The following VEPH1 variants were observed in gnomAD, a reference collection of about 807,000 sequenced individuals.
VEPH1 encodes the protein ventricular zone expressed PH domain containing 1, also known as ventricular zone-expressed PH domain-containing protein homolog 1.
VEPH1 carries 80 observed loss-of-function variants against 85.2 expected under a neutral mutation model. The ratio of observed to expected loss-of-function variants is 0.94; its 90% CI spans 0.78 to 1.13. The LOEUF is 1.13. VEPH1 is among the 50% of genes most tolerant of loss of function. The pLI, the probability that VEPH1 is intolerant of heterozygous loss-of-function variation, is 0.00. For missense variants in VEPH1, 955 were observed against 980.5 expected (o/e 0.97, Z 0.35); for synonymous variants, 297 against 348.0 (o/e 0.85, Z 1.63).
intron 4 of VEPH1, chr3:157,438,031 GCGCGCGCACACA>G: frequency 1.2e-6 from 1 of 820,154 alleles, no homozygotes; most frequent in East Asian, 3.2e-5. Context: ...GCGCGCGCGC[GCGCGCGCACACA>G]CACACACACA....
At chr3:157,379,116 T>C (rs972395178) in intron 7 of VEPH1, among the ~76,000 whole-genome samples, 11 of 152,244 alleles carry the variant, frequency 7.2e-5, no homozygotes, top group African/African-American at 2.7e-4. Flanking sequence ...GATCATTCTC[T>C]GGATTAAAAT....
At chr3:157,378,843 T>G (rs1479009494) in intron 7 of VEPH1, among the ~76,000 whole-genome samples, 1 of 152,146 alleles carries the variant, frequency 6.6e-6, no homozygotes, top group African/African-American at 2.4e-5. Context: ...TCTCTGGGTG[T>G]TCATCCACCC....
chr3:157,460,243 G>A lies in VEPH1; in HGVS notation c.467C>T (p.Ala156Val). The A allele has an allele frequency of 1.2e-6, 2 of 1,614,142 alleles. No homozygotes were observed. Among genetic ancestry groups the A allele is most frequent in the Non-Finnish European group, 1.7e-6 (2 of 1,180,026 alleles). The change falls in exon 4 of 14, where the codon GCA becomes GTA. Residue 156 changes from alanine (A) to valine (V), a missense_variant. Transcript: ENST00000362010. The part of the protein sequence containing the change: ...RNMSNYLSLA[A>V]ITKADLLADH... ...AGCCAGGAGATCTGCCTTGGTAATTGCAGCCAGAGACAGGTAGTTAGACAT... is the reference window on the plus strand; with the variant it reads ...AGCCAGGAGATCTGCCTTGGTAATTACAGCCAGAGACAGGTAGTTAGACAT...
chr3:157,307,642 C>T (rs985223583), intron 11 of VEPH1, among the ~76,000 whole-genome samples: 1 of 151,808 alleles, frequency 6.6e-6, no homozygotes, highest in Non-Finnish European at 1.5e-5. Context: ...TGAGTTTTCT[C>T]TTTCTGTACC....
At chr3:157,408,748 A>C (rs1402924323) in intron 6 of VEPH1, among the ~76,000 whole-genome samples, 2 of 152,124 alleles carry the variant, frequency 1.3e-5, no homozygotes, top group Non-Finnish European at 2.9e-5. Flanking sequence ...AGGTAAGATA[A>C]GTAGGAGAAG....
intron 11 of VEPH1, 129 bp downstream of exon 11, chr3:157,313,492 G>A: frequency 8.9e-7 from 1 of 1,123,986 alleles, no homozygotes; most frequent in African/African-American, 1.6e-5. Context: ...TCTTACAAGT[G>A]TTTTATGATA....
chr3:157,421,461 A>G (rs1167953979), intron 5 of VEPH1, among the ~76,000 whole-genome samples: 3 of 152,212 alleles, frequency 2.0e-5, no homozygotes, highest in Non-Finnish European at 2.9e-5. Context: ...TTCCAGTTTC[A>G]CAAAGTCAAA....
chr3:157,389,652 TAGATAGATA>T (rs909007721), intron 6 of VEPH1, among the ~76,000 whole-genome samples: 4 of 150,890 alleles, frequency 2.7e-5, no homozygotes, highest in African/African-American at 9.8e-5. Context: ...GATAGATAGA[TAGATAGATA>T]GATAGATAGA....
At chr3:157,387,103 G>C (rs976647666) in intron 6 of VEPH1, among the ~76,000 whole-genome samples, 5 of 152,136 alleles carry the variant, frequency 3.3e-5, no homozygotes, top group African/African-American at 1.2e-4. Flanking sequence ...TAGTGGATGT[G>C]GCTGGATTTG....
intron 7 of VEPH1, among the ~76,000 whole-genome samples, chr3:157,375,418 A>T (rs1007517159): frequency 1.3e-5 from 2 of 152,220 alleles, no homozygotes; most frequent in African/African-American, 4.8e-5. Flanking sequence ...GGATGTCAAG[A>T]TGGGAACTCT....
At chr3:157,429,557 C>T (rs1190661307) in intron 4 of VEPH1, among the ~76,000 whole-genome samples, 1 of 152,170 alleles carries the variant, frequency 6.6e-6, no homozygotes, top group Non-Finnish European at 1.5e-5. Flanking sequence ...GTTTTTTCCA[C>T]ATGTAGTTCA....
chr3:157,304,562 G>A (rs1719255830), intron 11 of VEPH1, among the ~76,000 whole-genome samples: 1 of 152,146 alleles, frequency 6.6e-6, no homozygotes, highest in Middle Eastern at 3.4e-3. Context: ...GCACTGAAAC[G>A]AAATTATTAA....
At chr3:157,435,967 A>G (rs1472243255) in intron 4 of VEPH1, among the ~76,000 whole-genome samples, 1 of 152,122 alleles carries the variant, frequency 6.6e-6, no homozygotes, top group Admixed American at 6.5e-5. Flanking sequence ...TTCTAGGTTT[A>G]CCCAGTTGTA....
chr3:157,436,968 G>A (rs753427080), intron 4 of VEPH1: 1 of 1,613,982 alleles, frequency 6.2e-7, no homozygotes, highest in Non-Finnish European at 8.5e-7. Flanking sequence ...TGTGCTCTCT[G>A]GTCTGCAGTG....
intron 9 of VEPH1, among the ~76,000 whole-genome samples, chr3:157,337,517 T>C (rs948770331): frequency 6.6e-6 from 1 of 152,174 alleles, no homozygotes; most frequent in Non-Finnish European, 1.5e-5. Context: ...GGTCAAAATA[T>C]TTTCCAACAC....
intron 9 of VEPH1, among the ~76,000 whole-genome samples, chr3:157,352,179 C>T (rs1724938464): frequency 6.6e-6 from 1 of 152,158 alleles, no homozygotes; most frequent in Admixed American, 6.5e-5. Context: ...TGTTGCCCTC[C>T]TTACTATGAC....
intron 4 of VEPH1, chr3:157,438,019 A>T: frequency 9.7e-6 from 11 of 1,133,488 alleles, no homozygotes; most frequent in East Asian, 3.2e-5. Context: ...CTTTCATGGG[A>T]AGCGCGCGCG....
intron 7 of VEPH1, among the ~76,000 whole-genome samples, chr3:157,376,523 T>C (rs1018339729): frequency 3.9e-5 from 6 of 152,246 alleles, no homozygotes; most frequent in African/African-American, 1.4e-4. Context: ...TAATAGCCCT[T>C]GTACCCTTTT....
At chr3:157,497,330 GAGAAGACGC>G (rs1739744093) in intron 1 of VEPH1, among the ~76,000 whole-genome samples, 1 of 152,156 alleles carries the variant, frequency 6.6e-6, no homozygotes, top group Non-Finnish European at 1.5e-5. Flanking sequence ...ACAGTCACAG[GAGAAGACGC>G]TTGGAGGAAG....
Sources: gnomAD v4.1 joint callset for allele counts (sites outside exome capture counted in the v4.1 genomes callset) on GRCh38, gnomAD v4.1.1 for gene constraint, MANE v1.5 for transcripts, NCBI Gene and HGNC (gene_info 2026-07-23, HGNC 2026-07-21) for gene names.